The following MECOM variants were observed in gnomAD, a reference collection of about 807,000 sequenced individuals.
MECOM encodes MDS1 and EVI1 complex locus.
In MECOM, 13 loss-of-function variants were observed where a neutral mutation model predicts 116.3. That is an observed-to-expected ratio of 0.11 (90% confidence interval 0.07 to 0.18). MECOM has a LOEUF of 0.18. MECOM is among the 10% of genes least tolerant of loss of function. The pLI is 1.00. For synonymous variants in MECOM, 528 were observed against 535.2 expected (o/e 0.99, Z 0.19); for missense variants, 1,299 against 1,509.0 (o/e 0.86, Z 2.31).
intron 1 of MECOM, among the ~76,000 whole-genome samples, chr3:169,640,651 T>C (rs1242683436): frequency 6.6e-6 from 1 of 152,186 alleles, no homozygotes; most frequent in African/African-American, 2.4e-5. Flanking sequence ...ACAGTACAAA[T>C]ATGACGTCAT....
intron 1 of MECOM, among the ~76,000 whole-genome samples, chr3:169,452,883 GA>G (rs371722508): frequency 5.9e-5 from 9 of 152,266 alleles, no homozygotes; most frequent in African/African-American, 2.2e-4. Flanking sequence ...CTAGGCATGA[GA>G]AAAAGCAATG....
intron 1 of MECOM, among the ~76,000 whole-genome samples, chr3:169,510,222 C>A (rs1755800892): frequency 6.6e-6 from 1 of 152,136 alleles, no homozygotes; most frequent in Non-Finnish European, 1.5e-5. Flanking sequence ...TGCATTCACT[C>A]TGTGATTGGG....
In MECOM at chr3:169,131,515, A is replaced by G; in HGVS notation, c.527T>C (p.Val176Ala). ...QINDQIFYRV[V>A]ADIAPGEELL... ...CTCCTCTCCCGGCGCAATGTCTGCA[A>G]CTACTCTATAGAATATCTTTAAAGA... Residue 176 changes from valine to alanine, a missense_variant, in exon 4 of 17, where the codon GTT (valine) becomes GCT (alanine). Around this residue, in one of 6 missense-constraint regions of MECOM, gnomAD observed 374 missense variants for 433.4 expected, o/e 0.86. Transcript: ENST00000651503. The G allele has an allele frequency of 1.9e-6, 3 of 1,613,046 alleles. No homozygotes were observed. Among genetic ancestry groups the G allele is most frequent in the Non-Finnish European group, 2.5e-6 (3 of 1,179,518 alleles).
intron 2 of MECOM, among the ~76,000 whole-genome samples, chr3:169,226,965 G>A (rs1385932334): frequency 6.6e-6 from 1 of 152,200 alleles, no homozygotes; most frequent in Non-Finnish European, 1.5e-5. Flanking sequence ...CTTGCCCTAT[G>A]TTTAAGAGGT....
chr3:169,648,217 C>T (rs1419121686), intron 1 of MECOM, among the ~76,000 whole-genome samples: 1 of 152,136 alleles, frequency 6.6e-6, no homozygotes, highest in Non-Finnish European at 1.5e-5. Flanking sequence ...TAAGATGGAG[C>T]TCATTATGCT....
At chr3:169,658,975 C>G (rs1156332984) in intron 1 of MECOM, among the ~76,000 whole-genome samples, 2 of 151,716 alleles carry the variant, frequency 1.3e-5, no homozygotes, top group Non-Finnish European at 2.9e-5. Context: ...ACAACTGCAG[C>G]CTCGGATAAC....
At chr3:169,146,892 G>C in intron 2 of MECOM, 1 of 1,026,358 alleles carries the variant, frequency 9.7e-7, no homozygotes, top group Non-Finnish European at 1.2e-6. Flanking sequence ...TTTTTTAAAA[G>C]CCTCGCGTCT....
At chr3:169,597,328 A>G (rs980167360) in intron 1 of MECOM, among the ~76,000 whole-genome samples, 1 of 152,218 alleles carries the variant, frequency 6.6e-6, no homozygotes, top group African/African-American at 2.4e-5. Context: ...TTTTCCTGAA[A>G]GTGCTTAGAT....
chr3:169,520,731 A>C (rs938759206), intron 1 of MECOM, among the ~76,000 whole-genome samples: 1 of 152,136 alleles, frequency 6.6e-6, no homozygotes, highest in African/African-American at 2.4e-5. Flanking sequence ...GAATTGTGTT[A>C]CCCTATTTTC....
chr3:169,308,445 G>A (rs1292645452), intron 2 of MECOM, among the ~76,000 whole-genome samples: 1 of 152,172 alleles, frequency 6.6e-6, no homozygotes, highest in East Asian at 1.9e-4. Flanking sequence ...AATTCTATGT[G>A]TTAAAGAATG....
chr3:169,625,586 T>A (rs1771269054), intron 1 of MECOM, among the ~76,000 whole-genome samples: 1 of 152,082 alleles, frequency 6.6e-6, no homozygotes, highest in Non-Finnish European at 1.5e-5. Flanking sequence ...ACATAAATAA[T>A]AAATCAGAAA....
intron 2 of MECOM, among the ~76,000 whole-genome samples, chr3:169,202,350 T>TA (rs1749276078): frequency 6.6e-6 from 1 of 152,142 alleles, no homozygotes; most frequent in African/African-American, 2.4e-5. Flanking sequence ...GTAATTGATT[T>TA]AAACTGGTGA....
At chr3:169,372,272 T>C (rs2108200707) in intron 2 of MECOM, among the ~76,000 whole-genome samples, 1 of 152,224 alleles carries the variant, frequency 6.6e-6, no homozygotes, top group East Asian at 1.9e-4. Context: ...GTCTGGCACA[T>C]GACAGGTGCA....
chr3:169,585,013 A>G (rs549435722), intron 1 of MECOM, among the ~76,000 whole-genome samples: 1 of 152,390 alleles, frequency 6.6e-6, no homozygotes, highest in East Asian at 1.9e-4. Flanking sequence ...TCCACAGATT[A>G]TCAAGCAAGA....
chr3:169,663,522 CT>C lies in MECOM; in HGVS notation c.-151del, dbSNP rs1418726364. 7.9e-4 allele frequency: 523 copies of C among 658,856 alleles called. No homozygotes were observed. Among genetic ancestry groups the C allele is most frequent in the Non-Finnish European group, 1.1e-3 (417 of 374,012 alleles). The allele number at this position is 658,856 out of a possible 1,614,324, so 40.8% of individuals were successfully genotyped here. On this transcript the variant is annotated 5_prime_UTR_variant, in exon 1 of 17. Coordinates refer to ENST00000651503, the MANE Select transcript of MECOM (RefSeq NM_004991.4). ...TCTCTCTCTCTCTCTCTCTCTCTCTCTCTCTCTCCCTCCCTCCTGTTTCTCT... is the reference window on the plus strand; with the variant it reads ...TCTCTCTCTCTCTCTCTCTCTCTCTCCTCTCTCCCTCCCTCCTGTTTCTCT...
intron 1 of MECOM, among the ~76,000 whole-genome samples, chr3:169,437,000 T>G (rs1411813165): frequency 6.6e-6 from 1 of 152,190 alleles, no homozygotes; most frequent in African/African-American, 2.4e-5. Flanking sequence ...TATGAAGAAG[T>G]TATTTTGCTA....
rs1475580175 is a variant in MECOM, at chr3:169,115,474, T to C, written c.2398A>G (p.Lys800Glu). 3 of 1,614,162 alleles carry C rather than the reference T, an allele frequency of 1.9e-6. No homozygotes were observed. Among genetic ancestry groups the C allele is most frequent in the Admixed American group, 1.7e-5 (1 of 60,018 alleles). Reference protein sequence around the residue: ...EPRKNHVFGGKKGSNVESRPA... With the variant: ...EPRKNHVFGGEKGSNVESRPA... ...CTTGATTCGACGTTGCTTCCTTTTT[T>C]TCCCCCAAACACGTGGTTTTTTCGA... The change falls in exon 8 of 17, where the codon AAA (lysine) becomes GAA (glutamate). Residue 800 changes from lysine (K) to glutamate (E), a missense_variant. Coordinates refer to ENST00000651503, the MANE Select transcript of MECOM (RefSeq NM_004991.4).
intron 2 of MECOM, among the ~76,000 whole-genome samples, chr3:169,323,500 A>G (rs1375003592): frequency 1.3e-5 from 2 of 152,228 alleles, no homozygotes; most frequent in Non-Finnish European, 2.9e-5. Flanking sequence ...ACAGACAGGC[A>G]GGCCAGGGAA....
At chr3:169,316,857 G>A (rs964650097) in intron 2 of MECOM, among the ~76,000 whole-genome samples, 1 of 152,158 alleles carries the variant, frequency 6.6e-6, no homozygotes, top group Admixed American at 6.5e-5. Flanking sequence ...CCGGCCAAAA[G>A]ACATATACTT....
Sources: allele counts gnomAD v4.1 joint callset (sites outside exome capture counted in the v4.1 genomes callset), GRCh38; gene constraint gnomAD v4.1.1; regional missense constraint gnomAD v4.1.1; transcripts MANE v1.5; gene names NCBI Gene and HGNC (gene_info 2026-07-23, HGNC 2026-07-21).